Variants in CAPN5 observed in about 807,000 individuals in gnomAD.
CAPN5 encodes the protein calpain 5.
A neutral mutation model predicts 73.0 loss-of-function variants in CAPN5; 54 were observed. That is an observed-to-expected ratio of 0.74 (90% confidence interval 0.59 to 0.93). CAPN5 has a LOEUF of 0.93. CAPN5 is among the 40% of genes least tolerant of loss of function. CAPN5 has a pLI of 0.00. For synonymous variants in CAPN5, 335 were observed against 356.9 expected (o/e 0.94, Z 0.69); for missense variants, 785 against 882.9 (o/e 0.89, Z 1.41).
Position 77,085,002 on chromosome 11 carries a change from T to TC in CAPN5, c.117dup (p.Tyr40LeufsTer3). ...CTCTTCCCCGCCACTGACGACTCAC[T>TC]CTACTATAAGGGCACGCCGGGGCCC... is the stretch of plus-strand genomic sequence containing the variant. On this transcript the variant is annotated frameshift_variant, in exon 2 of 13. Transcript: ENST00000648180. LOFTEE classifies it high-confidence loss of function. 6.2e-7 allele frequency: 1 copy of TC among 1,613,800 alleles called. No homozygotes were observed. Among genetic ancestry groups the TC allele is most frequent in the Non-Finnish European group, 8.5e-7 (1 of 1,180,034 alleles).
rs368842036 is a variant in CAPN5, at chr11:77,120,724, C to T, written c.1302C>T (p.Asn434=). 6.2e-7 allele frequency: 1 copy of T among 1,606,452 alleles called. No individual in the cohort carries two copies. The highest frequency in any genetic ancestry group is 8.5e-7 in the Non-Finnish European group (1 of 1,175,638). The part of the protein sequence containing the change: ...IGFDIYKVEE[N]RQYRMHSLQH... Reference sequence around the variant, plus strand: ...CCCGCCTCCTGCAGGTGGAGGAGAACCGCCAGTACCGCATGCACAGCCTGC... The same window carrying T: ...CCCGCCTCCTGCAGGTGGAGGAGAATCGCCAGTACCGCATGCACAGCCTGC... The change falls in exon 10 of 13, where the codon AAC becomes AAT. Residue 434 remains asparagine, a synonymous_variant. Transcript: ENST00000648180.
chr11:77,097,626 A>G, intron 3 of CAPN5, among the ~76,000 whole-genome samples: 1 of 114,430 alleles, frequency 8.7e-6, no homozygotes, highest in Admixed American at 8.7e-5. Context: ...GGCCTTCCGC[A>G]GTGTTTGTGT....
At chr11:77,072,973 C>A in intron 1 of CAPN5, 1 of 705,068 alleles carries the variant, frequency 1.4e-6, no homozygotes, top group Non-Finnish European at 2.1e-6. Flanking sequence ...GTGACCTGAT[C>A]AAGTCCCATT....
At chr11:77,093,436 C>T (rs782146995) in intron 2 of CAPN5, among the ~76,000 whole-genome samples, 63 of 152,162 alleles carry the variant, frequency 4.1e-4, no homozygotes, top group African/African-American at 1.4e-3. Context: ...AAACCTTTAG[C>T]GGAAGAGCAC....
intron 3 of CAPN5, among the ~76,000 whole-genome samples, chr11:77,106,846 A>T (rs1475948154): frequency 6.6e-6 from 1 of 152,178 alleles, no homozygotes; most frequent in Non-Finnish European, 1.5e-5. Flanking sequence ...CGCAGGGCGG[A>T]GGGGTGGGCA....
intron 4 of CAPN5, 181 bp downstream of exon 4, chr11:77,112,978 G>C (rs1426334293): frequency 3.0e-5 from 19 of 637,142 alleles, no homozygotes; most frequent in Non-Finnish European, 5.2e-5. Context: ...TGCTGGGTGG[G>C]GTGGAGGCCT....
chr11:77,103,395 C>T (rs1950309881), intron 3 of CAPN5: 2 of 1,530,340 alleles, frequency 1.3e-6, no homozygotes, highest in Admixed American at 1.9e-5. Flanking sequence ...CTGCCACTTT[C>T]CCCCCTGTAT....
chr11:77,104,756 TC>T (rs1302175963), intron 3 of CAPN5, among the ~76,000 whole-genome samples: 2 of 152,196 alleles, frequency 1.3e-5, no homozygotes, highest in African/African-American at 2.4e-5. Context: ...CCAAGACATT[TC>T]CCCTCATGAA....
chr11:77,115,469 T>TG lies in CAPN5; in HGVS notation c.775dup (p.Val259GlyfsTer39). The TG allele has an allele frequency of 6.2e-7, 1 of 1,613,212 alleles. No homozygotes were observed. Among genetic ancestry groups the TG allele is most frequent in the Non-Finnish European group, 8.5e-7 (1 of 1,179,904 alleles). On this transcript the variant is annotated frameshift_variant, in exon 6 of 13. Transcript: ENST00000648180. LOFTEE classifies it high-confidence loss of function. ...AGGGCCACGCATACGCCGTCACTGA[T>TG]GTGCGCAAGGTGCGCCTGGGCCACG...
In CAPN5 at chr11:77,093,608, T is replaced by TGTCA. The variant is rs1950176154; in HGVS notation, c.166-73_166-70dup. 3 of 1,357,926 alleles carry TGTCA rather than the reference T, an allele frequency of 2.2e-6. No individual in the cohort carries two copies. In the South Asian group the frequency reaches 4.1e-5, roughly 19 times the overall value. 84.1% of individuals were successfully genotyped at this position (1,357,926 alleles called of 1,614,324 possible). A position where few individuals can be genotyped will look rare whatever the true frequency, so the allele number is the denominator to read the frequency against. ...AGTCTGTGTCTGTCACGTCTGTGTC[T>TGTCA]GTCATGTCTCCTGCCATGGGGGGCA... is the stretch of plus-strand genomic sequence containing the variant. On this transcript the variant is annotated intron_variant, in intron 2 of 12. Coordinates refer to ENST00000648180, the MANE Select transcript of CAPN5 (RefSeq NM_004055.5).
chr11:77,109,169 T>A (rs1555040382), intron 3 of CAPN5, among the ~76,000 whole-genome samples: 1 of 152,246 alleles, frequency 6.6e-6, no homozygotes, highest in Non-Finnish European at 1.5e-5. Flanking sequence ...TTATCTTTCT[T>A]TTTTGTGATG....
rs71043542 is a variant in CAPN5, at chr11:77,067,632, CGT to C, written c.-36+575_-36+576del. On this transcript the variant is annotated intron_variant, in intron 1 of 12. Transcript: ENST00000648180. ...TCTCCTTGACTGCAGGGCGGGCGCA[CGT>C]GTGTGTGTGTGTGTGTGTGTGTGTG... is the stretch of plus-strand genomic sequence containing the variant. Among the ~76,000 whole-genome samples the C allele has an allele frequency of 3.6e-3, 462 of 126,674 alleles. 4 individuals are homozygous for C. Among genetic ancestry groups the C allele is most frequent in the South Asian group, 0.014 (51 of 3,692 alleles). 83.1% of individuals were successfully genotyped at this position (126,674 alleles called of 152,430 possible).
At chr11:77,075,198 A>ACCCCT (rs1288032861) in intron 1 of CAPN5, among the ~76,000 whole-genome samples, 4 of 149,434 alleles carry the variant, frequency 2.7e-5, no homozygotes, top group African/African-American at 4.9e-5. Context: ...CCTGCCCCAC[A>ACCCCT]CCCCTCCCCT....
chr11:77,077,592 C>T (rs1555034076), intron 1 of CAPN5, among the ~76,000 whole-genome samples: 2 of 151,160 alleles, frequency 1.3e-5, no homozygotes, highest in East Asian at 2.0e-4. Context: ...TGCGGTGGCG[C>T]GATCTCGGCT....
At position 77,125,254 on chromosome 11, in the gene CAPN5, G is replaced by A. The variant is rs1002999731; in HGVS notation, c.*1384G>A. On this transcript the variant is annotated 3_prime_UTR_variant, in exon 13 of 13. Transcript: ENST00000648180. ...TTGGGAACCTGACTTTCCGACTCCA[G>A]ATCCTGCTGTCTGGATCAGTGTTCT... 1 of 152,658 alleles carries A rather than the reference G, an allele frequency of 6.6e-6. No individual in the cohort carries two copies. Among genetic ancestry groups the A allele is most frequent in the Non-Finnish European group, 1.5e-5 (1 of 68,054 alleles). The allele number at this position is 152,658 out of a possible 1,614,324, so 9.5% of individuals were successfully genotyped here.
intron 3 of CAPN5, among the ~76,000 whole-genome samples, chr11:77,106,876 T>C (rs1555039975): frequency 6.6e-6 from 1 of 152,240 alleles, no homozygotes; most frequent in Non-Finnish European, 1.5e-5. Flanking sequence ...CCTGGCTCTG[T>C]GGTCCGAGAG....
chr11:77,121,420 G>A (rs1950519421), intron 10 of CAPN5, among the ~76,000 whole-genome samples: 1 of 152,256 alleles, frequency 6.6e-6, no homozygotes, highest in Admixed American at 6.5e-5. Context: ...GCCCTCCACT[G>A]TGATACACAG....
In CAPN5 at chr11:77,102,753, G is replaced by T. The variant is rs551298168; in HGVS notation, c.297+8940G>T. 19 of 1,429,496 alleles carry T rather than the reference G, an allele frequency of 1.3e-5. No individual in the cohort carries two copies. In the African/African-American group the frequency reaches 2.0e-4, roughly 15 times the overall value. The allele number at this position is 1,429,496 out of a possible 1,614,324, so 88.6% of individuals were successfully genotyped here. On this transcript the variant is annotated intron_variant, in intron 3 of 12. Coordinates refer to ENST00000648180, the MANE Select transcript of CAPN5 (RefSeq NM_004055.5). ...AGAGGGAAGGGCAGAAAGTAGGTGGGGCCCCCCTTTGGTGGCCTCTTCTCT... is the reference window on the plus strand; with the variant it reads ...AGAGGGAAGGGCAGAAAGTAGGTGGTGCCCCCCTTTGGTGGCCTCTTCTCT...
chr11:77,094,571 C>G (rs1950188643), intron 3 of CAPN5, among the ~76,000 whole-genome samples: 1 of 152,234 alleles, frequency 6.6e-6, no homozygotes, highest in African/African-American at 2.4e-5. Context: ...CAGGGGGACT[C>G]TGGTCATTGC....
Sources: gnomAD v4.1 joint callset for allele counts (sites outside exome capture counted in the v4.1 genomes callset) on GRCh38, gnomAD v4.1.1 for gene constraint, MANE v1.5 for transcripts, NCBI Gene and HGNC (gene_info 2026-07-23, HGNC 2026-07-21) for gene names.